LASP1NB: variants seen among roughly 807,000 people sequenced by gnomAD.
LASP1NB encodes LASP1 neighbor.
chr17:38,927,695 A>G, the LASP1NB span: 1 of 152,194 alleles, frequency 6.6e-6, no homozygotes, highest in African/African-American at 2.4e-5. Flanking sequence ...CATGTTTTAA[A>G]ACAAAAATTG....
the LASP1NB span, chr17:38,926,351 G>A: frequency 6.6e-6 from 1 of 152,182 alleles, no homozygotes. Flanking sequence ...GTGGAGAGGA[G>A]GGAGGAACTC....
the LASP1NB span, chr17:38,927,983 A>G: frequency 6.6e-6 from 1 of 152,128 alleles, no homozygotes; most frequent in Non-Finnish European, 1.5e-5. Flanking sequence ...CAGAGGTTGC[A>G]GTGAGCCGAG....
At chr17:38,925,856 C>T in the LASP1NB span, 5 of 397,438 alleles carry the variant, frequency 1.3e-5, no homozygotes, top group Admixed American at 4.4e-5. Context: ...TGCTTGCTGA[C>T]GCACCGGTGG....
At chr17:38,927,189 C>G in the LASP1NB span, 1 of 151,646 alleles carries the variant, frequency 6.6e-6, no homozygotes. Flanking sequence ...GTTCTCTGAC[C>G]CATTAGAGTT....
At chr17:38,927,367 C>A in the LASP1NB span, 1 of 152,034 alleles carries the variant, frequency 6.6e-6, no homozygotes, top group Non-Finnish European at 1.5e-5. Context: ...TCCCAGCACT[C>A]TGGGAGGCCG....
At chr17:38,926,331 G>C in the LASP1NB span, 1 of 152,230 alleles carries the variant, frequency 6.6e-6, no homozygotes, top group East Asian at 1.9e-4. Context: ...ATGTCCAACT[G>C]TGGGATATGG....
the LASP1NB span, chr17:38,926,366 T>A: frequency 2.6e-5 from 4 of 152,244 alleles, no homozygotes; most frequent in African/African-American, 9.6e-5. Context: ...GAACTCCTGG[T>A]ACTTTGCAGT....
At chr17:38,928,875 T>C in the LASP1NB span, 1 of 152,296 alleles carries the variant, frequency 6.6e-6, no homozygotes, top group Non-Finnish European at 1.5e-5. Flanking sequence ...TTTGGAGGGG[T>C]CCAAATTAGA....
the LASP1NB span, chr17:38,928,229 T>TG: frequency 1.3e-5 from 2 of 152,082 alleles, no homozygotes; most frequent in Non-Finnish European, 2.9e-5. Context: ...GAGGATAGCT[T>TG]GAGGCCAAGA....
the LASP1NB span, chr17:38,928,554 T>C: frequency 6.6e-6 from 1 of 152,210 alleles, no homozygotes; most frequent in Non-Finnish European, 1.5e-5. Context: ...TGGCCATATT[T>C]ATTTACTCCA....
chr17:38,927,665 A>G, the LASP1NB span: 1 of 152,194 alleles, frequency 6.6e-6, no homozygotes, highest in African/African-American at 2.4e-5. Flanking sequence ...GTTTTTAGTA[A>G]TAACATTGTG....
the LASP1NB span, chr17:38,928,267 G>A: frequency 6.6e-6 from 1 of 151,958 alleles, no homozygotes; most frequent in Non-Finnish European, 1.5e-5. Context: ...GCAATATAGC[G>A]AGACCCCCGT....
At chr17:38,928,809 A>G in the LASP1NB span, 3 of 152,224 alleles carry the variant, frequency 2.0e-5, no homozygotes, top group African/African-American at 7.2e-5. Flanking sequence ...TTCCGTCTTC[A>G]AGCCAAGACA....
At chr17:38,925,915 A>G in the LASP1NB span, 2 of 395,500 alleles carry the variant, frequency 5.1e-6, no homozygotes, top group Non-Finnish European at 8.9e-6. Flanking sequence ...AAAAAAAAGA[A>G]AAGAAAAAAA....
At chr17:38,926,717 T>C in the LASP1NB span, 5 of 152,218 alleles carry the variant, frequency 3.3e-5, no homozygotes, top group African/African-American at 1.2e-4. Flanking sequence ...CATTTTAAGT[T>C]TCCTTAGATC....
the LASP1NB span, among the ~76,000 whole-genome samples, chr17:38,926,158 T>C: frequency 6.6e-6 from 1 of 152,230 alleles, no homozygotes; most frequent in Non-Finnish European, 1.5e-5. Context: ...TTGTCTATTT[T>C]CTTCTGGTAA....
At chr17:38,928,640 T>C in the LASP1NB span, 2 of 152,204 alleles carry the variant, frequency 1.3e-5, no homozygotes, top group Admixed American at 6.5e-5. Context: ...CATCGTGGTA[T>C]GTAGCAAAAA....
At chr17:38,926,970 G>T in the LASP1NB span, 1 of 152,120 alleles carries the variant, frequency 6.6e-6, no homozygotes, top group Non-Finnish European at 1.5e-5. Flanking sequence ...CAAACCACTT[G>T]TATCCCAGTT....
At chr17:38,928,282 A>C in the LASP1NB span, 1 of 152,162 alleles carries the variant, frequency 6.6e-6, no homozygotes, top group Admixed American at 6.5e-5. Flanking sequence ...CCCCGTCTCC[A>C]CAAAAATAAA....
Sources: allele counts gnomAD v4.1 joint callset (sites outside exome capture counted in the v4.1 genomes callset), GRCh38; gene constraint gnomAD v4.1.1; transcripts MANE v1.5; gene names NCBI Gene and HGNC (gene_info 2026-07-23, HGNC 2026-07-21).